DCK: variants seen among roughly 807,000 people sequenced by gnomAD.
DCK encodes the protein deoxycytidine kinase.
Under a neutral mutation model 38.3 loss-of-function variants are expected in DCK, and 23 were observed. The ratio of observed to expected loss-of-function variants is 0.60; its 90% CI spans 0.43 to 0.85. The LOEUF (loss-of-function observed/expected upper bound fraction) is 0.85, where lower values mean the gene tolerates loss of function less well. DCK is among the 40% of genes least tolerant of loss of function. DCK has a pLI of 0.00. For synonymous variants in DCK, 108 were observed against 100.6 expected, an observed-to-expected ratio of 1.07 and a Z score of -0.44; for missense variants, 259 against 304.4, an observed-to-expected ratio of 0.85 and a Z score of 1.11.
chr4:71,023,816 C>G (rs1740486416), intron 4 of DCK, 110 bp downstream of exon 4: 1 of 844,404 alleles, frequency 1.2e-6, no homozygotes, highest in Non-Finnish European at 1.7e-6. Context: ...TCCCAACCTC[C>G]CACTCCCCAC....
intron 2 of DCK, among the ~76,000 whole-genome samples, chr4:71,007,590 A>G (rs1028332194): frequency 4.6e-5 from 7 of 152,248 alleles, no homozygotes; most frequent in Non-Finnish European, 7.3e-5. Context: ...TGAATGTTAT[A>G]TAAGTGGAAT....
intron 2 of DCK, among the ~76,000 whole-genome samples, chr4:71,020,502 C>A (rs1263961907): frequency 1.3e-5 from 2 of 152,166 alleles, no homozygotes; most frequent in African/African-American, 4.8e-5. Context: ...AGGTGATATT[C>A]CTTCTCCAGC....
At chr4:71,006,133 C>CAA (rs67497388) in intron 2 of DCK, among the ~76,000 whole-genome samples, 29 of 104,326 alleles carry the variant, frequency 2.8e-4, no homozygotes, top group African/African-American at 9.5e-4. Flanking sequence ...ACAAAAACAC[C>CAA]AAAAAAAAAA....
Position 70,993,864 on chromosome 4 carries a change from C to T in DCK, c.29C>T (p.Pro10Leu), listed in dbSNP as rs767152030. Residue 10 changes from proline (P) to leucine (L), a missense_variant, in exon 1 of 7, where the codon CCG becomes CTG. Pro to Leu is a moderately conservative substitution (Grantham distance 98). This residue lies in a region of DCK where 159 missense variants were observed against 159.0 expected (regional missense o/e 1.00). Coordinates refer to ENST00000286648, the MANE Select transcript of DCK (RefSeq NM_000788.3). ...GCCACCCCGCCCAAGAGAAGCTGCC[C>T]GTCTTTCTCAGCCAGCTCTGAGGGG... MATPPKRSC[P>L]SFSASSEGTR... 3 of 1,613,750 alleles carry T rather than the reference C, an allele frequency of 1.9e-6. No homozygotes were observed. Among genetic ancestry groups the T allele is most frequent in the Admixed American group, 3.3e-5 (2 of 59,992 alleles).
At chr4:71,011,935 A>G (rs1162452117) in intron 2 of DCK, among the ~76,000 whole-genome samples, 5 of 152,222 alleles carry the variant, frequency 3.3e-5, no homozygotes, top group Non-Finnish European at 7.3e-5. Context: ...TATCTTTTAC[A>G]TAGTTGAATT....
intron 4 of DCK, among the ~76,000 whole-genome samples, chr4:71,024,551 A>G (rs1311998309): frequency 6.6e-6 from 1 of 152,120 alleles, no homozygotes; most frequent in African/African-American, 2.4e-5. Flanking sequence ...TAAAATTAGA[A>G]TACTGTGTTG....
chr4:70,999,166 C>T (rs1367476109), intron 2 of DCK, among the ~76,000 whole-genome samples: 1 of 152,092 alleles, frequency 6.6e-6, no homozygotes, highest in East Asian at 1.9e-4. Context: ...CTAACCCTTC[C>T]CTTGCCTCCT....
intron 2 of DCK, among the ~76,000 whole-genome samples, chr4:71,017,925 T>TA (rs529019445): frequency 6.0e-5 from 9 of 149,856 alleles, no homozygotes; most frequent in Admixed American, 4.7e-4. Flanking sequence ...ACTTAAAGTA[T>TA]AAAAAAAAAA....
rs555276327 is a variant in DCK, at chr4:71,021,929, T to C, written c.208-438T>C. 3.9e-5 allele frequency among the ~76,000 whole-genome samples: 6 copies of C among 152,142 alleles called. No homozygotes were observed. The East Asian group carries it at 1.2e-3, about 29-fold the overall frequency. ...AGGCGGGAGAATTGCTTGAACCTGGTAGGTGGAGGTTGCAGTGAGCTGAAA... is the reference window on the plus strand; with the variant it reads ...AGGCGGGAGAATTGCTTGAACCTGGCAGGTGGAGGTTGCAGTGAGCTGAAA... On this transcript the variant is annotated intron_variant, in intron 2 of 6. Coordinates refer to ENST00000286648, the MANE Select transcript of DCK (RefSeq NM_000788.3).
intron 2 of DCK, among the ~76,000 whole-genome samples, chr4:71,002,997 T>G (rs1018027472): frequency 6.6e-6 from 1 of 152,244 alleles, no homozygotes; most frequent in Non-Finnish European, 1.5e-5. Context: ...GATCCTGTTA[T>G]TATGATGCTA....
At chr4:71,027,550 A>G (rs953637432) in intron 6 of DCK, among the ~76,000 whole-genome samples, 1 of 152,148 alleles carries the variant, frequency 6.6e-6, no homozygotes, top group South Asian at 2.1e-4. Context: ...AGAAAGCACA[A>G]TTTGGTTTAG....
chr4:70,994,293 A>G (rs1010972746), intron 1 of DCK, among the ~76,000 whole-genome samples: 57 of 152,180 alleles, frequency 3.7e-4, no homozygotes, highest in African/African-American at 1.4e-3. Context: ...ATGAGGTTTG[A>G]CAAACATTAT....
intron 1 of DCK, 155 bp downstream of exon 1, chr4:70,994,081 C>A: frequency 1.5e-6 from 1 of 659,328 alleles, no homozygotes. Context: ...CCACCCAGAG[C>A]ATCCTTCCCT....
chr4:70,999,445 A>G (rs1188526864), intron 2 of DCK, among the ~76,000 whole-genome samples: 5 of 152,222 alleles, frequency 3.3e-5, no homozygotes, highest in Admixed American at 3.3e-4. Flanking sequence ...GGTTGGTTCC[A>G]AGTCTTTGCT....
chr4:70,996,206 A>C (rs1739656328), intron 1 of DCK, among the ~76,000 whole-genome samples: 1 of 12,692 alleles, frequency 7.9e-5, no homozygotes, highest in Non-Finnish European at 0.011. Context: ...CAGAGTCTCA[A>C]AAAAAAAAAA....
At chr4:71,015,592 A>G (rs1282982349) in intron 2 of DCK, among the ~76,000 whole-genome samples, 1 of 152,188 alleles carries the variant, frequency 6.6e-6, no homozygotes, top group Non-Finnish European at 1.5e-5. Flanking sequence ...ACCATGATCA[A>G]TTGTGCTTCA....
intron 2 of DCK, among the ~76,000 whole-genome samples, chr4:71,010,163 T>A (rs1332459465): frequency 7.2e-6 from 1 of 138,734 alleles, no homozygotes. Context: ...TTTGCTGTTT[T>A]AGCTTTTTTT....
intron 2 of DCK, among the ~76,000 whole-genome samples, chr4:71,004,831 G>T (rs1578420409): frequency 6.6e-6 from 1 of 152,158 alleles, no homozygotes; most frequent in African/African-American, 2.4e-5. Flanking sequence ...AGTGTCTCAG[G>T]TTGACTTCAG....
intron 2 of DCK, among the ~76,000 whole-genome samples, chr4:71,021,866 G>A (rs1438531236): frequency 6.6e-6 from 1 of 152,166 alleles, no homozygotes; most frequent in African/African-American, 2.4e-5. Context: ...GTTGGGCATG[G>A]TGGCACGCGC....
Sources: gnomAD v4.1 joint callset for allele counts (sites outside exome capture counted in the v4.1 genomes callset) on GRCh38, gnomAD v4.1.1 for gene constraint, gnomAD v4.1.1 regional missense constraint, MANE v1.5 for transcripts, NCBI Gene and HGNC (gene_info 2026-07-23, HGNC 2026-07-21) for gene names.